The following VWA8 variants were observed in gnomAD, a reference collection of about 807,000 sequenced individuals.
VWA8 encodes von Willebrand factor A domain-containing protein 8.
Under a neutral mutation model 241.5 loss-of-function variants are expected in VWA8, and 221 were observed. The ratio of observed to expected loss-of-function variants is 0.91; its 90% CI spans 0.82 to 1.02. The LOEUF (loss-of-function observed/expected upper bound fraction) is 1.02. VWA8 is among the 50% of genes least tolerant of loss of function. The pLI is 0.00. For missense variants in VWA8, 2,322 were observed against 2,328.7 expected (o/e 1.00, Z 0.06); for synonymous variants, 852 against 827.1 (o/e 1.03, Z -0.52).
chr13:41,907,422 A>G (rs1875772543), intron 4 of VWA8, among the ~76,000 whole-genome samples, 164 bp downstream of exon 4: 3 of 152,254 alleles, frequency 2.0e-5, no homozygotes, highest in Admixed American at 2.0e-4. Context: ...CCAAGAAGAC[A>G]TTTCCAAGAA....
At chr13:41,868,606 C>A in intron 9 of VWA8, 129 bp from the exon 10 acceptor site, 1 of 1,183,538 alleles carries the variant, frequency 8.4e-7, no homozygotes, top group Non-Finnish European at 1.1e-6. Context: ...GAGGTTAGGC[C>A]AAGGGCGGTG....
intron 9 of VWA8, among the ~76,000 whole-genome samples, chr13:41,869,687 G>A (rs971764784): frequency 3.4e-5 from 5 of 146,028 alleles, no homozygotes. Context: ...TCTTGATGTG[G>A]CCCAATTATC....
At chr13:41,865,227 A>G (rs1873232205) in intron 12 of VWA8, 7 of 290,452 alleles carry the variant, frequency 2.4e-5, no homozygotes, top group Admixed American at 9.8e-5. Flanking sequence ...AGCACATGTG[A>G]TATTTTGATA....
At chr13:41,930,648 AC>A (rs1052202440) in intron 2 of VWA8, among the ~76,000 whole-genome samples, 40 of 152,262 alleles carry the variant, frequency 2.6e-4, no homozygotes, top group African/African-American at 9.6e-4. Context: ...GGCATTCAAC[AC>A]CCAATTTACT....
At chr13:41,710,497 A>T (rs907563474) in intron 26 of VWA8, among the ~76,000 whole-genome samples, 2 of 152,232 alleles carry the variant, frequency 1.3e-5, no homozygotes, top group Admixed American at 6.5e-5. Context: ...ATATAAGGCA[A>T]AGACTATGAC....
At chr13:41,943,650 T>A (rs1450666388) in intron 2 of VWA8, among the ~76,000 whole-genome samples, 1 of 152,150 alleles carries the variant, frequency 6.6e-6, no homozygotes, top group Non-Finnish European at 1.5e-5. Flanking sequence ...CCATAATACA[T>A]AAAAAACTTT....
intron 20 of VWA8, among the ~76,000 whole-genome samples, chr13:41,763,482 G>A (rs955875365): frequency 1.3e-5 from 2 of 152,046 alleles, no homozygotes; most frequent in Non-Finnish European, 2.9e-5. Context: ...AATCTTTTCA[G>A]TACCTAATTG....
intron 10 of VWA8, 80 bp downstream of exon 10, chr13:41,868,266 G>A (rs2138053314): frequency 6.6e-7 from 1 of 1,506,920 alleles, no homozygotes; most frequent in Non-Finnish European, 9.2e-7. Flanking sequence ...GACTTACAAG[G>A]AGATCATAAA....
intron 42 of VWA8, among the ~76,000 whole-genome samples, chr13:41,583,583 C>T (rs998856779): frequency 6.9e-6 from 1 of 144,170 alleles, no homozygotes; most frequent in East Asian, 2.0e-4. Flanking sequence ...GCGGAGGCTG[C>T]AGTGAGCCGA....
intron 8 of VWA8, among the ~76,000 whole-genome samples, chr13:41,884,796 T>C (rs1357794197): frequency 6.6e-6 from 1 of 152,156 alleles, no homozygotes; most frequent in African/African-American, 2.4e-5. Context: ...GATAAAAGTA[T>C]AAGATTTGAT....
At chr13:41,692,338 C>A (rs1293794200) in intron 30 of VWA8, among the ~76,000 whole-genome samples, 2 of 152,000 alleles carry the variant, frequency 1.3e-5, no homozygotes, top group East Asian at 3.9e-4. Flanking sequence ...AGTATGTTGA[C>A]TTGCAGGGCA....
chr13:41,594,881 A>G (rs1209537340), intron 40 of VWA8, among the ~76,000 whole-genome samples: 2 of 152,228 alleles, frequency 1.3e-5, no homozygotes, highest in African/African-American at 4.8e-5. Flanking sequence ...CACTTCCAAT[A>G]AGATTTACAA....
At chr13:41,596,543 C>T (rs746463810) in intron 40 of VWA8, among the ~76,000 whole-genome samples, 1 of 151,924 alleles carries the variant, frequency 6.6e-6, no homozygotes, top group Non-Finnish European at 1.5e-5. Flanking sequence ...ATTCCTATTG[C>T]ATGAAGTAAA....
Position 41,614,992 on chromosome 13 carries a change from A to C in VWA8, c.4704T>G (p.Thr1568=), listed in dbSNP as rs764494868. ...GCTACCAACCTGTTCCGCCAGCCCA[A>C]GTGTTGCCGCCCACGTGAGGCATGT... ...PDNMPHVGGN[T]WAGGTGGRDT... Residue 1568 remains threonine, a synonymous_variant, in exon 38 of 45, where the codon ACT becomes ACG. Transcript: ENST00000379310. 6.2e-7 allele frequency: 1 copy of C among 1,613,394 alleles called. No homozygotes were observed. The highest frequency in any genetic ancestry group is 8.5e-7 in the Non-Finnish European group (1 of 1,179,920).
intron 37 of VWA8, among the ~76,000 whole-genome samples, chr13:41,653,815 AC>A (rs1682349230): frequency 6.6e-6 from 1 of 152,160 alleles, no homozygotes; most frequent in African/African-American, 2.4e-5. Flanking sequence ...TGGGGAAAGA[AC>A]TCTACTCAAT....
At chr13:41,755,620 C>T (rs1260229769) in intron 21 of VWA8, among the ~76,000 whole-genome samples, 2 of 151,710 alleles carry the variant, frequency 1.3e-5, no homozygotes, top group Non-Finnish European at 2.9e-5. Flanking sequence ...ATTTATGGAT[C>T]ATTTGTTATT....
At chr13:41,903,044 A>G (rs1268677259) in intron 4 of VWA8, among the ~76,000 whole-genome samples, 1 of 152,226 alleles carries the variant, frequency 6.6e-6, no homozygotes, top group Non-Finnish European at 1.5e-5. Flanking sequence ...CATCAAATTC[A>G]ATGGTTAAGA....
Position 41,691,333 on chromosome 13 carries a change from T to C in VWA8, c.3853A>G (p.Ser1285Gly), listed in dbSNP as rs571896786. 2.7e-4 allele frequency: 429 copies of C among 1,612,308 alleles called. 1 individual carries two copies. The South Asian group carries it at 4.5e-3, about 17-fold the overall frequency. ...AAAGCCACTCACTGATTTGTTTTGC[T>C]CTCCACCAGAAGCCATTTGTCCTCT... ...VAEDKWLLVE[S>G]KTNQKYLLTK... Residue 1285 changes from serine to glycine, a missense_variant, in exon 32 of 45, where the codon AGC becomes GGC. Ser to Gly is a moderately conservative substitution (Grantham distance 56). Coordinates refer to ENST00000379310, the MANE Select transcript of VWA8 (RefSeq NM_015058.2).
At chr13:41,784,695 T>TAA (rs1566456158) in intron 18 of VWA8, among the ~76,000 whole-genome samples, 4 of 57,534 alleles carry the variant, frequency 7.0e-5, no homozygotes, top group African/African-American at 2.4e-4. Flanking sequence ...CATATACATA[T>TAA]ACATATATAT....
Sources: gnomAD v4.1 joint callset for allele counts (sites outside exome capture counted in the v4.1 genomes callset) on GRCh38, gnomAD v4.1.1 for gene constraint, MANE v1.5 for transcripts, NCBI Gene and HGNC (gene_info 2026-07-23, HGNC 2026-07-21) for gene names.